Variants in NR6A1 observed in about 807,000 individuals in gnomAD.
The protein encoded by NR6A1 is nuclear receptor subfamily 6 group A member 1.
In NR6A1, 7 loss-of-function variants were observed where a neutral mutation model predicts 59.1. That is an observed-to-expected ratio of 0.12 (90% CI 0.07 to 0.22). The LOEUF is 0.22. NR6A1 is among the 10% of genes least tolerant of loss of function. The pLI is 1.00. For missense variants in NR6A1, 468 were observed against 611.6 expected, an observed-to-expected ratio of 0.77 and a Z score of 2.48; for synonymous variants, 243 against 236.1, an observed-to-expected ratio of 1.03 and a Z score of -0.27.
At chr9:124,622,559 G>A (rs1836108296) in intron 2 of NR6A1, among the ~76,000 whole-genome samples, 1 of 152,166 alleles carries the variant, frequency 6.6e-6, no homozygotes, top group African/African-American at 2.4e-5. Flanking sequence ...CTTAGAAATA[G>A]CTGTTAAATA....
intron 1 of NR6A1, among the ~76,000 whole-genome samples, chr9:124,769,345 T>C (rs763610101): frequency 7.2e-5 from 11 of 152,080 alleles, no homozygotes; most frequent in Non-Finnish European, 1.6e-4. Flanking sequence ...CTACACGGAC[T>C]TTTCCCTTTT....
intron 1 of NR6A1, among the ~76,000 whole-genome samples, chr9:124,734,556 G>A (rs576021907): frequency 9.8e-5 from 15 of 152,304 alleles, no homozygotes; most frequent in African/African-American, 3.4e-4. Context: ...AGCCAGGCAT[G>A]ATGGTGCTTG....
chr9:124,646,378 A>G (rs1836928689), intron 2 of NR6A1, among the ~76,000 whole-genome samples: 2 of 152,180 alleles, frequency 1.3e-5, no homozygotes, highest in South Asian at 4.1e-4. Context: ...TAACTAACGA[A>G]AAAAGAAAGA....
intron 7 of NR6A1, among the ~76,000 whole-genome samples, chr9:124,530,509 C>T (rs1460330444): frequency 6.6e-6 from 1 of 152,206 alleles, no homozygotes; most frequent in African/African-American, 2.4e-5. Context: ...CAAACACACC[C>T]ATTCTTCTTC....
chr9:124,688,091 G>T (rs1258317955), intron 2 of NR6A1, among the ~76,000 whole-genome samples: 2 of 152,174 alleles, frequency 1.3e-5, no homozygotes, highest in African/African-American at 4.8e-5. Flanking sequence ...GGAGGCCTAG[G>T]TGGGAGGACT....
intron 2 of NR6A1, among the ~76,000 whole-genome samples, chr9:124,611,201 C>T (rs754299347): frequency 1.3e-5 from 2 of 152,010 alleles, no homozygotes; most frequent in Non-Finnish European, 2.9e-5. Flanking sequence ...GGGATCAGGC[C>T]ATTTTGGTTG....
intron 2 of NR6A1, among the ~76,000 whole-genome samples, chr9:124,692,084 T>C (rs776790412): frequency 3.3e-5 from 5 of 152,166 alleles, no homozygotes; most frequent in African/African-American, 4.8e-5. Context: ...ATCAGGAAAA[T>C]GTGGGTTGTT....
chr9:124,733,388 G>A (rs1278101279), intron 1 of NR6A1, 39 bp from the exon 2 acceptor site: 2 of 1,485,694 alleles, frequency 1.3e-6, no homozygotes, highest in Non-Finnish European at 1.9e-6. Context: ...TACAATTTGT[G>A]AATTACTTCA....
At position 124,634,095 on chromosome 9, in the gene NR6A1, G is replaced by T. The variant is rs555504038; in HGVS notation, c.143-79525C>A. On this transcript the variant is annotated intron_variant, in intron 2 of 9. Coordinates refer to ENST00000487099, the MANE Select transcript of NR6A1 (RefSeq NM_033334.4). ...CGAATTGTATTTGTATAGTCAGCCT[G>T]TCATGATAAATAATTATATAGTCAC... 3.3e-5 allele frequency among the ~76,000 whole-genome samples: 5 copies of T among 152,222 alleles called. No homozygotes were observed. The East Asian group carries it at 9.7e-4, about 29-fold the overall frequency.
At chr9:124,541,928 A>G (rs1002376053) in intron 4 of NR6A1, among the ~76,000 whole-genome samples, 2 of 152,250 alleles carry the variant, frequency 1.3e-5, no homozygotes, top group Non-Finnish European at 2.9e-5. Context: ...CAGAAGCACA[A>G]ATACTGCATG....
chr9:124,646,657 TAGCTAATG>T (rs1354077796), intron 2 of NR6A1, among the ~76,000 whole-genome samples: 1 of 152,142 alleles, frequency 6.6e-6, no homozygotes, highest in Admixed American at 6.6e-5. Flanking sequence ...ACACTAACAA[TAGCTAATG>T]AGCTTTAAAA....
chr9:124,542,811 G>A (rs1218604068), intron 4 of NR6A1, among the ~76,000 whole-genome samples: 4 of 152,158 alleles, frequency 2.6e-5, no homozygotes, highest in South Asian at 2.1e-4. Context: ...TCCTGCCTCA[G>A]CCACCCAAAG....
chr9:124,628,823 CT>C (rs1185804354), intron 2 of NR6A1, among the ~76,000 whole-genome samples: 2 of 152,052 alleles, frequency 1.3e-5, no homozygotes, highest in East Asian at 3.9e-4. Context: ...TTGTTTTTGT[CT>C]TTGTTTTTGG....
chr9:124,617,725 G>C (rs922741796), intron 2 of NR6A1, among the ~76,000 whole-genome samples: 1 of 152,092 alleles, frequency 6.6e-6, no homozygotes, highest in Non-Finnish European at 1.5e-5. Context: ...ATTAAGCCTG[G>C]GGAGTGAAGA....
chr9:124,540,967 A>C (rs1018323659), intron 4 of NR6A1, among the ~76,000 whole-genome samples: 2 of 151,968 alleles, frequency 1.3e-5, no homozygotes, highest in African/African-American at 4.8e-5. Flanking sequence ...TATACCGTTC[A>C]CAGAAGTCAA....
At chr9:124,627,942 C>G (rs925064309) in intron 2 of NR6A1, among the ~76,000 whole-genome samples, 6 of 139,396 alleles carry the variant, frequency 4.3e-5, no homozygotes, top group Non-Finnish European at 9.1e-5. Flanking sequence ...ACAGTGGTCC[C>G]AAGGAACTAT....
intron 1 of NR6A1, among the ~76,000 whole-genome samples, chr9:124,747,578 G>A (rs1032482639): frequency 1.3e-5 from 2 of 152,070 alleles, no homozygotes; most frequent in Non-Finnish European, 2.9e-5. Flanking sequence ...ATGTCTACCA[G>A]GATAAATAAC....
At chr9:124,644,983 T>TCATTA (rs1170385216) in intron 2 of NR6A1, among the ~76,000 whole-genome samples, 1 of 152,256 alleles carries the variant, frequency 6.6e-6, no homozygotes, top group Non-Finnish European at 1.5e-5. Context: ...CCAAGTCATG[T>TCATTA]CATTACACAT....
At chr9:124,535,370 C>G (rs1252071344) in intron 7 of NR6A1, among the ~76,000 whole-genome samples, 1 of 152,082 alleles carries the variant, frequency 6.6e-6, no homozygotes, top group African/African-American at 2.4e-5. Flanking sequence ...TTGAGGTCAA[C>G]AGTTTGAGAC....
Sources: gnomAD v4.1 joint callset for allele counts (sites outside exome capture counted in the v4.1 genomes callset) on GRCh38, gnomAD v4.1.1 for gene constraint, MANE v1.5 for transcripts, NCBI Gene and HGNC (gene_info 2026-07-23, HGNC 2026-07-21) for gene names.